The following FAT1 variants were observed in gnomAD, a reference collection of about 807,000 sequenced individuals.
FAT1 encodes the protein protocadherin Fat 1.
Under a neutral mutation model 329.8 loss-of-function variants are expected in FAT1, and 171 were observed. The ratio of observed to expected loss-of-function variants is 0.52; its 90% confidence interval spans 0.46 to 0.59. FAT1 has a LOEUF of 0.59. FAT1 is among the 20% of genes least tolerant of loss of function. FAT1 has a pLI of 0.00. For missense variants in FAT1, 5,672 were observed against 5,774.4 expected (o/e 0.98, Z 0.57); for synonymous variants, 2,233 against 2,228.6 (o/e 1.00, Z -0.06).
chr4:186,659,842 A>G (rs1262827118), intron 3 of FAT1, among the ~76,000 whole-genome samples: 3 of 143,780 alleles, frequency 2.1e-5, no homozygotes, highest in East Asian at 2.1e-4. Flanking sequence ...TGCACTCTAC[A>G]CACACAAGCC....
chr4:186,679,902 A>C (rs1412988386), intron 2 of FAT1, among the ~76,000 whole-genome samples: 1 of 152,182 alleles, frequency 6.6e-6, no homozygotes, highest in Non-Finnish European at 1.5e-5. Context: ...GAAACTCAAG[A>C]ATTTTTTATA....
chr4:186,722,246 T>C (rs895466560), intron 1 of FAT1, among the ~76,000 whole-genome samples: 4 of 152,314 alleles, frequency 2.6e-5, no homozygotes, highest in South Asian at 2.1e-4. Context: ...CAAATGAATA[T>C]ACAGGTGGCC....
intron 16 of FAT1, among the ~76,000 whole-genome samples, chr4:186,608,567 T>A (rs1342412878): frequency 6.6e-6 from 1 of 152,096 alleles, no homozygotes; most frequent in Non-Finnish European, 1.5e-5. Context: ...CTAATACTTT[T>A]CGATCCATGT....
intron 1 of FAT1, among the ~76,000 whole-genome samples, chr4:186,711,000 T>G (rs1744922903): frequency 2.6e-5 from 4 of 152,218 alleles, no homozygotes; most frequent in African/African-American, 9.6e-5. Context: ...TGCCAACAAA[T>G]TCATCTTGTA....
At chr4:186,660,247 C>A (rs1050082412) in intron 3 of FAT1, among the ~76,000 whole-genome samples, 1 of 152,170 alleles carries the variant, frequency 6.6e-6, no homozygotes, top group Non-Finnish European at 1.5e-5. Flanking sequence ...TGGGAACAGT[C>A]TGCTTTAAAG....
intron 2 of FAT1, among the ~76,000 whole-genome samples, chr4:186,676,539 A>G (rs1263395259): frequency 6.6e-6 from 1 of 152,236 alleles, no homozygotes; most frequent in Non-Finnish European, 1.5e-5. Context: ...TCATAGGCTG[A>G]ATAACAACTG....
At position 186,639,205 on chromosome 4, in the gene FAT1, T is replaced by C. The variant is rs1470101697; in HGVS notation, c.3642+517A>G. Among the ~76,000 whole-genome samples the C allele has an allele frequency of 2.0e-5, 3 of 152,160 alleles. No homozygotes were observed. The East Asian group carries it at 5.8e-4, about 29-fold the overall frequency. ...CAATCTACTTTTACTTTTGAGGTAT[T>C]TAAGAAGCACAAACTAAGTAATTCA... On this transcript the variant is annotated intron_variant, in intron 4 of 26. Transcript: ENST00000441802.
chr4:186,663,283 C>G lies in FAT1; in HGVS notation c.3580+16G>C, dbSNP rs1217617396. On this transcript the variant is annotated intron_variant, in intron 3 of 26. Coordinates refer to ENST00000441802, the MANE Select transcript of FAT1 (RefSeq NM_005245.4). ...GCATAAGCATAAACATTTCCTATAG[C>G]AGTATTAACACATACCTGTTTTAGG... is the stretch of plus-strand genomic sequence containing the variant. 6.3e-7 allele frequency: 1 copy of G among 1,576,132 alleles called. No homozygotes were observed. Among genetic ancestry groups the G allele is most frequent in the African/African-American group, 1.3e-5 (1 of 74,192 alleles).
At position 186,596,433 on chromosome 4, in the gene FAT1, G is replaced by C. The variant is rs969845176; in HGVS notation, c.13000+107C>G. 1.6e-6 allele frequency: 2 copies of C among 1,250,224 alleles called. No individual in the cohort carries two copies. The highest frequency in any genetic ancestry group is 1.1e-6 in the Non-Finnish European group (1 of 901,114). The allele number at this position is 1,250,224 out of a possible 1,614,324, so 77.4% of individuals were successfully genotyped here. Reference sequence around the variant, plus strand: ...AATCATCATACGGATTTCAGTCTGAGCATACTTGTCTCTAATGAAGAGTAC... The same window carrying C: ...AATCATCATACGGATTTCAGTCTGACCATACTTGTCTCTAATGAAGAGTAC... On this transcript the variant is annotated intron_variant, in intron 25 of 26. Coordinates refer to ENST00000441802, the MANE Select transcript of FAT1 (RefSeq NM_005245.4). This position sits in a 1 kb window ranked among gnomAD's most constrained non-coding sequence, Gnocchi z 4.7.
rs1739966955 is a variant in FAT1 at position 186,620,237 on chromosome 4, G to A, written c.6349C>T (p.His2117Tyr). The change falls in exon 10 of 27, where the codon CAT (histidine) becomes TAT (tyrosine). Residue 2117 changes from histidine to tyrosine, a missense_variant. Physicochemically the swap from His to Tyr is moderately conservative, Grantham distance 83. Coordinates refer to ENST00000441802, the MANE Select transcript of FAT1 (RefSeq NM_005245.4). ...TCATGATGTTCCTTGAGGTAGTAAT[G>A]CACTTCCCCGTTTCTGCCACTGTCT... is the stretch of plus-strand genomic sequence containing the variant. ...DRDSGRNGEV[H>Y]YYLKEHHEHF... 6.2e-7 allele frequency: 1 copy of A among 1,613,998 alleles called. No individual in the cohort carries two copies. The highest frequency in any genetic ancestry group is 8.5e-7 in the Non-Finnish European group (1 of 1,179,890).
rs748892251 is a variant in FAT1 at position 186,620,873 on chromosome 4, C to G, written c.5713G>C (p.Asp1905His). Residue 1905 changes from aspartate to histidine, a missense_variant, in exon 10 of 27, where the codon GAT becomes CAT. Around this residue, in one of 2 missense-constraint regions of FAT1, gnomAD observed 3,966 missense variants for 3,915.2 expected, o/e 1.01. Transcript: ENST00000441802. ...GVKVITVNAT[D>H]ADSSAFSQLI... Reference sequence around the variant, plus strand: ...TGTGAGAATGCACTTGAATCAGCATCTGTAGCATTTACTGTGATGACTTTT... The same window carrying G: ...TGTGAGAATGCACTTGAATCAGCATGTGTAGCATTTACTGTGATGACTTTT... The G allele has an allele frequency of 6.2e-7, 1 of 1,614,044 alleles. No individual in the cohort carries two copies. Among genetic ancestry groups the G allele is most frequent in the Non-Finnish European group, 8.5e-7 (1 of 1,179,906 alleles).
rs2126509431 is a variant in FAT1 at position 186,619,817 on chromosome 4, T to C, written c.6769A>G (p.Thr2257Ala). ...GCATGAGCGCCCGTCAAGGAGTCAG[T>C]TGCGCGTATGCTCAGCTTATATGCC... ...HPAYKLSIRA[T>A]DSLTGAHAEV... The change falls in exon 10 of 27, where the codon ACT becomes GCT. Residue 2257 changes from threonine (T) to alanine (A), a missense_variant. Physicochemically the swap from Thr to Ala is moderately conservative, Grantham distance 58. This residue lies in a region of FAT1 where 3,966 missense variants were observed against 3,915.2 expected (regional missense o/e 1.01). Transcript: ENST00000441802. 6.2e-7 allele frequency: 1 copy of C among 1,614,038 alleles called. No homozygotes were observed. The highest frequency in any genetic ancestry group is 2.2e-5 in the East Asian group (1 of 44,882).
Position 186,603,505 on chromosome 4 carries a change from C to T in FAT1, c.11021G>A (p.Arg3674Lys), listed in dbSNP as rs2126429215. Reference sequence around the variant, plus strand: ...ACTAACAATCTGTATGTCGTTCCTCCTCACACCCAGGATGTTCCGTAAAGC... The same window carrying T: ...ACTAACAATCTGTATGTCGTTCCTCTTCACACCCAGGATGTTCCGTAAAGC... Reference protein sequence around the residue: ...QRALRNILGVRRNDIQIVSLQ... With the variant: ...QRALRNILGVKRNDIQIVSLQ... Residue 3674 changes from arginine (R) to lysine (K), a missense_variant, in exon 19 of 27, where the codon AGG (arginine) becomes AAG (lysine). Arg to Lys is a conservative substitution (Grantham distance 26). Coordinates refer to ENST00000441802, the MANE Select transcript of FAT1 (RefSeq NM_005245.4). The T allele has an allele frequency of 3.1e-6, 5 of 1,613,968 alleles. No homozygotes were observed. Among genetic ancestry groups the T allele is most frequent in the Non-Finnish European group, 4.2e-6 (5 of 1,179,882 alleles).
chr4:186,619,256 T>C lies in FAT1; in HGVS notation c.7330A>G (p.Thr2444Ala), dbSNP rs776279602. The change falls in exon 10 of 27, where the codon ACA becomes GCA. Residue 2444 changes from threonine (T) to alanine (A), a missense_variant. Thr to Ala is a moderately conservative substitution (Grantham distance 58). This residue lies in a region of FAT1 where 3,966 missense variants were observed against 3,915.2 expected (regional missense o/e 1.01). Transcript: ENST00000441802. ...DHKHFVIDSA[T>A]GIITLSNLHR... ...AGGTTTGAGAGGGTGATAATCCCTG[T>C]TGCACTGTCAATGACAAAATGTTTA... 9.9e-6 allele frequency: 16 copies of C among 1,613,904 alleles called. No individual in the cohort carries two copies. The highest frequency in any genetic ancestry group is 2.2e-5 in the South Asian group (2 of 91,090).
intron 1 of FAT1, among the ~76,000 whole-genome samples, chr4:186,720,459 C>T (rs1334745045): frequency 6.6e-6 from 1 of 152,200 alleles, no homozygotes; most frequent in Non-Finnish European, 1.5e-5. Context: ...ACTCATCACA[C>T]CACAAGCCAC....
chr4:186,628,538 A>G lies in FAT1; in HGVS notation c.4549T>C (p.Ser1517Pro). The change falls in exon 8 of 27, where the codon TCT becomes CCT. Residue 1517 changes from serine (S) to proline (P), a missense_variant. Ser to Pro is a moderately conservative substitution (Grantham distance 74). Transcript: ENST00000441802. ...ACAGCTTCATGATCCAGTTTCTCAG[A>G]AGTATAGAGAGAGCCGGTTGCAGGA... ...LDPATGSLYTSEKLDHEAVHQ... is the reference protein window; with the variant it reads ...LDPATGSLYTPEKLDHEAVHQ... 1 of 1,613,990 alleles carries G rather than the reference A, an allele frequency of 6.2e-7. No individual in the cohort carries two copies. The highest frequency in any genetic ancestry group is 1.1e-5 in the South Asian group (1 of 91,076).
chr4:186,593,772 G>A (rs979733143), intron 26 of FAT1, among the ~76,000 whole-genome samples: 1 of 152,118 alleles, frequency 6.6e-6, no homozygotes, highest in African/African-American at 2.4e-5. Context: ...CCTACTGATC[G>A]CATGACTTAA....
In FAT1 at chr4:186,659,252, C is replaced by T. The variant is rs141945838; in HGVS notation, c.3580+4047G>A. 1.3e-4 allele frequency among the ~76,000 whole-genome samples: 20 copies of T among 152,280 alleles called. No homozygotes were observed. The East Asian group carries it at 3.7e-3, about 28-fold the overall frequency. ...TTTGGGTAAGTACACTCTACGTTGT[C>T]CACACAACGACAAAATCGCCTGATG... On this transcript the variant is annotated intron_variant, in intron 3 of 26. Coordinates refer to ENST00000441802, the MANE Select transcript of FAT1 (RefSeq NM_005245.4).
intron 26 of FAT1, among the ~76,000 whole-genome samples, chr4:186,595,070 C>A (rs565053791): frequency 9.2e-4 from 140 of 152,150 alleles, no homozygotes; most frequent in African/African-American, 3.2e-3. Context: ...TATAGGGAAA[C>A]CAGATCAACA....
Sources: allele counts gnomAD v4.1 joint callset (sites outside exome capture counted in the v4.1 genomes callset), GRCh38; gene constraint gnomAD v4.1.1; regional missense constraint gnomAD v4.1.1; non-coding constraint Gnocchi (gnomAD v3.1); transcripts MANE v1.5; gene names NCBI Gene and HGNC (gene_info 2026-07-23, HGNC 2026-07-21).